MARCHF1: variants seen among roughly 807,000 people sequenced by gnomAD.
MARCHF1 encodes membrane associated ring-CH-type finger 1.
In MARCHF1, 40 loss-of-function variants were observed where a neutral mutation model predicts 54.2. The observed-to-expected ratio is 0.74, with a 90% CI of 0.57 to 0.96. The LOEUF (loss-of-function observed/expected upper bound fraction) is 0.96. Ranked by LOEUF, MARCHF1 falls within the 40% of genes least tolerant of loss-of-function variation. MARCHF1 has a pLI of 0.00. For missense variants in MARCHF1, 586 were observed against 656.5 expected, an observed-to-expected ratio of 0.89 and a Z score of 1.17; for synonymous variants, 236 against 236.3, an observed-to-expected ratio of 1.00 and a Z score of 0.01.
Position 163,724,118 on chromosome 4 carries a change from A to T in MARCHF1, c.112-23255T>A, listed in dbSNP as rs554999869. Among the ~76,000 whole-genome samples the T allele has an allele frequency of 2.0e-5, 3 of 152,182 alleles. No homozygotes were observed. In the South Asian group the frequency reaches 6.2e-4, roughly 32 times the overall value. On this transcript the variant is annotated intron_variant, in intron 4 of 9. Transcript: ENST00000514618. ...AGGTACTCTAATTTTTAGAATTTTC[A>T]GCTTTTCTGCTCTGTTTTTTCCCCA...
At chr4:163,602,877 T>C (rs926344745) in intron 7 of MARCHF1, among the ~76,000 whole-genome samples, 1 of 152,016 alleles carries the variant, frequency 6.6e-6, no homozygotes, top group African/African-American at 2.4e-5. Flanking sequence ...TATTACTGAG[T>C]GACTGTACAT....
chr4:164,085,648 A>C (rs1384146839), intron 2 of MARCHF1, among the ~76,000 whole-genome samples: 1 of 151,812 alleles, frequency 6.6e-6, no homozygotes, highest in East Asian at 1.9e-4. Flanking sequence ...TATGTAATTT[A>C]AGAGTTTTTG....
intron 1 of MARCHF1, among the ~76,000 whole-genome samples, chr4:164,275,924 A>G (rs377349977): frequency 3.3e-5 from 5 of 152,312 alleles, no homozygotes; most frequent in East Asian, 1.9e-4. Context: ...GCCAAAGTCA[A>G]GTTATCCATT....
intron 1 of MARCHF1, among the ~76,000 whole-genome samples, chr4:164,221,867 C>A (rs1347907742): frequency 6.6e-6 from 1 of 151,926 alleles, no homozygotes; most frequent in East Asian, 1.9e-4. Context: ...ACTAATCACT[C>A]GCCCAGTAGA....
At chr4:163,959,663 C>CT (rs1472968428) in intron 3 of MARCHF1, among the ~76,000 whole-genome samples, 1 of 151,872 alleles carries the variant, frequency 6.6e-6, no homozygotes, top group African/African-American at 2.4e-5. Context: ...AAAAAATCAA[C>CT]TTAAGAGAGA....
At chr4:164,299,271 CAAT>C (rs1734489956) in intron 1 of MARCHF1, among the ~76,000 whole-genome samples, 1 of 151,936 alleles carries the variant, frequency 6.6e-6, no homozygotes, top group Non-Finnish European at 1.5e-5. Flanking sequence ...TAAATGTCCA[CAAT>C]AATTTGTACT....
At chr4:163,840,890 T>C (rs1273477306) in intron 4 of MARCHF1, among the ~76,000 whole-genome samples, 2 of 152,122 alleles carry the variant, frequency 1.3e-5, no homozygotes, top group Non-Finnish European at 2.9e-5. Context: ...GACATCACGA[T>C]ATACAACTTA....
chr4:163,564,448 T>C (rs1466408774), intron 8 of MARCHF1, among the ~76,000 whole-genome samples: 5 of 152,196 alleles, frequency 3.3e-5, no homozygotes, highest in Non-Finnish European at 7.3e-5. Context: ...AGCATGAAAA[T>C]GCTCTGAACC....
At chr4:163,792,538 AG>A (rs1747799617) in intron 4 of MARCHF1, among the ~76,000 whole-genome samples, 20 of 152,076 alleles carry the variant, frequency 1.3e-4, no homozygotes, top group Admixed American at 1.3e-3. Flanking sequence ...ATTCTTTTAT[AG>A]TGACATAACT....
intron 1 of MARCHF1, among the ~76,000 whole-genome samples, chr4:164,114,326 A>G (rs908110146): frequency 6.6e-6 from 1 of 151,858 alleles, no homozygotes; most frequent in African/African-American, 2.4e-5. Flanking sequence ...TGCCATTCAC[A>G]TTATTTTCTT....
At chr4:163,956,739 T>G (rs1455994634) in intron 3 of MARCHF1, among the ~76,000 whole-genome samples, 1 of 152,074 alleles carries the variant, frequency 6.6e-6, no homozygotes, top group Non-Finnish European at 1.5e-5. Context: ...TCCGGAGTGG[T>G]AACATGGCTT....
intron 3 of MARCHF1, among the ~76,000 whole-genome samples, chr4:163,952,745 G>T (rs190418223): frequency 6.6e-6 from 1 of 152,256 alleles, no homozygotes; most frequent in East Asian, 1.9e-4. Context: ...TATCTCCCTT[G>T]TCTTTTATCA....
At chr4:163,727,081 G>A (rs1279525841) in intron 4 of MARCHF1, among the ~76,000 whole-genome samples, 2 of 152,044 alleles carry the variant, frequency 1.3e-5, no homozygotes, top group African/African-American at 4.8e-5. Flanking sequence ...ATGAAGTCCA[G>A]TTTGTGTTTT....
At chr4:163,659,777 C>A (rs1743279676) in intron 5 of MARCHF1, among the ~76,000 whole-genome samples, 1 of 152,034 alleles carries the variant, frequency 6.6e-6, no homozygotes, top group Non-Finnish European at 1.5e-5. Flanking sequence ...GACATTTATG[C>A]AGCCAACAAA....
At chr4:163,974,648 A>C (rs1477556934) in intron 3 of MARCHF1, among the ~76,000 whole-genome samples, 2 of 152,182 alleles carry the variant, frequency 1.3e-5, no homozygotes, top group Non-Finnish European at 2.9e-5. Flanking sequence ...TATATAGTAA[A>C]AGAAATTATA....
At position 164,316,460 on chromosome 4, in the gene MARCHF1, G is replaced by A. The variant is rs139421467; in HGVS notation, c.-323+67410C>T. ...AGGGTAGAAAGGAAAGTTTTGTTTAGATATCAGTGCTAACATTGTGCTTCC... is the reference window on the plus strand; with the variant it reads ...AGGGTAGAAAGGAAAGTTTTGTTTAAATATCAGTGCTAACATTGTGCTTCC... On this transcript the variant is annotated intron_variant, in intron 1 of 9. Transcript: ENST00000514618. Among the ~76,000 whole-genome samples, 242 of 152,222 alleles carry A rather than the reference G, an allele frequency of 1.6e-3. 3 individuals are homozygous for A. The highest frequency in any genetic ancestry group is 5.3e-3 in the African/African-American group (221 of 41,538).
intron 2 of MARCHF1, among the ~76,000 whole-genome samples, chr4:164,019,514 CA>C (rs1206847753): frequency 6.6e-6 from 1 of 152,134 alleles, no homozygotes; most frequent in Admixed American, 6.6e-5. Flanking sequence ...GGAAATAGAA[CA>C]CTGCAATCTG....
chr4:164,340,081 T>C (rs1326222360), intron 1 of MARCHF1, among the ~76,000 whole-genome samples: 2 of 151,682 alleles, frequency 1.3e-5, no homozygotes, highest in Admixed American at 6.6e-5. Flanking sequence ...AGTAAGGAGA[T>C]TGAATCAGTA....
intron 4 of MARCHF1, among the ~76,000 whole-genome samples, chr4:163,814,351 C>T (rs1459035582): frequency 6.6e-6 from 1 of 152,166 alleles, no homozygotes; most frequent in African/African-American, 2.4e-5. Flanking sequence ...CGCCCGACTT[C>T]ATTGCCCCCA....
Sources: gnomAD v4.1 joint callset for allele counts (sites outside exome capture counted in the v4.1 genomes callset) on GRCh38, gnomAD v4.1.1 for gene constraint, MANE v1.5 for transcripts, NCBI Gene and HGNC (gene_info 2026-07-23, HGNC 2026-07-21) for gene names.